The following ACAP2 variants were observed in gnomAD, a reference collection of about 807,000 sequenced individuals.
ACAP2 encodes ArfGAP with coiled-coil, ankyrin repeat and PH domains 2.
A neutral mutation model predicts 115.8 loss-of-function variants in ACAP2; 39 were observed. The ratio of observed to expected loss-of-function variants is 0.34; its 90% CI spans 0.26 to 0.44. The LOEUF is 0.44. Ranked by LOEUF, ACAP2 falls within the 20% of genes least tolerant of loss-of-function variation. ACAP2 has a pLI of 1.00. For synonymous variants in ACAP2, 289 were observed against 315.8 expected (o/e 0.92, Z 0.90); for missense variants, 662 against 927.6 (o/e 0.71, Z 3.72).
At chr3:195,334,214 A>C (rs1395703309) in intron 7 of ACAP2, among the ~76,000 whole-genome samples, 1 of 135,040 alleles carries the variant, frequency 7.4e-6, no homozygotes, top group East Asian at 4.2e-4. Context: ...TCCAAAAAAA[A>C]CTATTTTCAA....
At chr3:195,284,545 C>T (rs904982581) in intron 22 of ACAP2, among the ~76,000 whole-genome samples, 4 of 152,134 alleles carry the variant, frequency 2.6e-5, no homozygotes, top group South Asian at 2.1e-4. Context: ...CTATTCTTAA[C>T]GTTCTTACTT....
intron 1 of ACAP2, among the ~76,000 whole-genome samples, chr3:195,397,186 G>A (rs1444594345): frequency 3.3e-5 from 5 of 152,042 alleles, no homozygotes; most frequent in African/African-American, 9.7e-5. Context: ...TTGAATAACC[G>A]TTTAGAGACT....
intron 1 of ACAP2, among the ~76,000 whole-genome samples, chr3:195,405,599 T>C (rs1182780255): frequency 7.2e-5 from 11 of 151,734 alleles, no homozygotes; most frequent in Non-Finnish European, 1.2e-4. Context: ...GGCAGGAGAA[T>C]TGCTTGAACC....
chr3:195,382,345 T>TA (rs1680006120), intron 2 of ACAP2, among the ~76,000 whole-genome samples: 1 of 151,978 alleles, frequency 6.6e-6, no homozygotes, highest in Non-Finnish European at 1.5e-5. Flanking sequence ...CGCAGATAGC[T>TA]AAAGTGATTA....
intron 9 of ACAP2, among the ~76,000 whole-genome samples, chr3:195,323,589 T>A (rs1729585966): frequency 6.6e-6 from 1 of 152,150 alleles, no homozygotes; most frequent in South Asian, 2.1e-4. Context: ...TTTTGATTCA[T>A]ACAAAATTGA....
intron 4 of ACAP2, among the ~76,000 whole-genome samples, chr3:195,368,231 C>A (rs943129304): frequency 2.6e-5 from 4 of 152,168 alleles, no homozygotes; most frequent in Non-Finnish European, 5.9e-5. Context: ...CTCACTGCAA[C>A]CTTCGCCTCC....
At chr3:195,335,660 T>A (rs1244297712) in intron 7 of ACAP2, among the ~76,000 whole-genome samples, 1 of 152,144 alleles carries the variant, frequency 6.6e-6, no homozygotes, top group African/African-American at 2.4e-5. Context: ...ATAAATATTA[T>A]CTTTTAGAAA....
intron 1 of ACAP2, among the ~76,000 whole-genome samples, chr3:195,417,534 T>C (rs1713836903): frequency 6.6e-6 from 1 of 152,134 alleles, no homozygotes; most frequent in Admixed American, 6.6e-5. Context: ...AAGCGGACCA[T>C]CATTTCTTCT....
intron 1 of ACAP2, among the ~76,000 whole-genome samples, chr3:195,431,742 C>T (rs1715145126): frequency 6.6e-6 from 1 of 151,948 alleles, no homozygotes; most frequent in Non-Finnish European, 1.5e-5. Flanking sequence ...GCACCGCACC[C>T]AGCCTCTATG....
At chr3:195,425,026 C>CAAAAAAAAAAAAAAAAAAAAAA (rs10690317) in intron 1 of ACAP2, among the ~76,000 whole-genome samples, 1 of 26,644 alleles carries the variant, frequency 3.8e-5, no homozygotes, top group Non-Finnish European at 7.4e-5. Flanking sequence ...GACTCCGTCT[C>CAAAAAAAAAAAAAAAAAAAAAA]AAAAAAAAAA....
intron 1 of ACAP2, among the ~76,000 whole-genome samples, chr3:195,441,549 T>C (rs1358880860): frequency 5.3e-5 from 8 of 152,190 alleles, no homozygotes; most frequent in African/African-American, 1.7e-4. Flanking sequence ...AATTCTTTTC[T>C]TTTTCGCTGA....
chr3:195,407,844 G>A (rs541457500), intron 1 of ACAP2, among the ~76,000 whole-genome samples: 3 of 152,186 alleles, frequency 2.0e-5, no homozygotes, highest in East Asian at 1.9e-4. Context: ...GTAGAAAAAC[G>A]ACAGAGAAAA....
chr3:195,400,968 C>G (rs1369200815), intron 1 of ACAP2, among the ~76,000 whole-genome samples: 1 of 152,106 alleles, frequency 6.6e-6, no homozygotes, highest in East Asian at 1.9e-4. Flanking sequence ...GAGGCCAAAG[C>G]AGGAGGACAG....
intron 4 of ACAP2, among the ~76,000 whole-genome samples, chr3:195,366,415 A>T (rs190389473): frequency 7.3e-4 from 111 of 152,332 alleles, no homozygotes; most frequent in African/African-American, 2.5e-3. Flanking sequence ...TTAAATACAC[A>T]GATGTTGCAA....
chr3:195,301,082 T>C (rs1420305722), intron 15 of ACAP2, among the ~76,000 whole-genome samples: 2 of 152,038 alleles, frequency 1.3e-5, no homozygotes, highest in Admixed American at 6.5e-5. Flanking sequence ...GCCTTTTTTT[T>C]TTCTTTTTTT....
At chr3:195,304,575 T>A (rs1728299705) in intron 13 of ACAP2, among the ~76,000 whole-genome samples, 1 of 152,214 alleles carries the variant, frequency 6.6e-6, no homozygotes, top group African/African-American at 2.4e-5. Flanking sequence ...GACTGGAAGT[T>A]ATTCTCTGGA....
intron 1 of ACAP2, among the ~76,000 whole-genome samples, chr3:195,409,468 A>T (rs916768748): frequency 6.6e-6 from 1 of 152,220 alleles, no homozygotes; most frequent in African/African-American, 2.4e-5. Context: ...AAATGGAAAC[A>T]TATCCCATGT....
chr3:195,361,191 T>G (rs567243741), intron 4 of ACAP2, among the ~76,000 whole-genome samples: 1 of 152,148 alleles, frequency 6.6e-6, no homozygotes, highest in African/African-American at 2.4e-5. Flanking sequence ...TCCCCACATT[T>G]TGAAAGGCCA....
chr3:195,363,198 T>C (rs1732485917), intron 4 of ACAP2, among the ~76,000 whole-genome samples: 1 of 152,168 alleles, frequency 6.6e-6, no homozygotes, highest in Non-Finnish European at 1.5e-5. Flanking sequence ...CCATTTACAA[T>C]TGCTACAAAT....
Sources: allele counts gnomAD v4.1 joint callset (sites outside exome capture counted in the v4.1 genomes callset), GRCh38; gene constraint gnomAD v4.1.1; transcripts MANE v1.5; gene names NCBI Gene and HGNC (gene_info 2026-07-23, HGNC 2026-07-21).